Variants in SMIM10L3 observed in about 807,000 individuals in gnomAD.
SMIM10L3 encodes the protein small integral membrane protein 10 like 3, also known as salivary gland specific protein SAGSIN1.
the SMIM10L3 span, chr7:6,338,647 T>A: frequency 1.3e-5 from 2 of 152,198 alleles, no homozygotes; most frequent in Non-Finnish European, 2.9e-5. Context: ...ACAGGAGCGG[T>A]CACCTTCCTC....
At chr7:6,340,353 G>T in the SMIM10L3 span, among the ~76,000 whole-genome samples, 1 of 152,140 alleles carries the variant, frequency 6.6e-6, no homozygotes, top group Non-Finnish European at 1.5e-5. Context: ...ACAAAACGCT[G>T]CTGAGAGGGT....
chr7:6,344,589 T>C, the SMIM10L3 span, among the ~76,000 whole-genome samples: 6 of 152,066 alleles, frequency 3.9e-5, no homozygotes, highest in East Asian at 9.7e-4. Flanking sequence ...CAGCTAATTT[T>C]TGTATTTTTT....
At chr7:6,332,356 G>A in the SMIM10L3 span, among the ~76,000 whole-genome samples, 117 of 152,246 alleles carry the variant, frequency 7.7e-4, no homozygotes, top group Admixed American at 7.1e-3. Flanking sequence ...CTCATGGAAT[G>A]TACTGATTAC....
the SMIM10L3 span, among the ~76,000 whole-genome samples, chr7:6,335,020 G>A: frequency 1.3e-5 from 2 of 151,982 alleles, no homozygotes; most frequent in African/African-American, 4.8e-5. Context: ...ACCCGCCTTG[G>A]CCTCCCAAAG....
At chr7:6,341,758 G>A in the SMIM10L3 span, 5 of 152,038 alleles carry the variant, frequency 3.3e-5, no homozygotes, top group Admixed American at 3.3e-4. Flanking sequence ...AGCACTTTGG[G>A]AGGCCAAGGT....
At chr7:6,335,163 A>G in the SMIM10L3 span, among the ~76,000 whole-genome samples, 1 of 151,906 alleles carries the variant, frequency 6.6e-6, no homozygotes, top group Non-Finnish European at 1.5e-5. Context: ...CCTAGGTTCA[A>G]GCGATTCTCC....
the SMIM10L3 span, among the ~76,000 whole-genome samples, chr7:6,341,362 G>T: frequency 1.3e-5 from 2 of 149,680 alleles, no homozygotes; most frequent in South Asian, 2.1e-4. Flanking sequence ...AGAATGGTGT[G>T]AACCGGGAGG....
chr7:6,340,363 T>C, the SMIM10L3 span, among the ~76,000 whole-genome samples: 1 of 150,884 alleles, frequency 6.6e-6, no homozygotes, highest in African/African-American at 2.4e-5. Context: ...GCTGAGAGGG[T>C]TGGTGCGGTG....
At chr7:6,348,524 G>C in the SMIM10L3 span, 3 of 413,818 alleles carry the variant, frequency 7.2e-6, no homozygotes, top group Non-Finnish European at 1.3e-5. Context: ...CCGCGGGCGA[G>C]GCGGGCGCTC....
At chr7:6,333,002 T>C in the SMIM10L3 span, among the ~76,000 whole-genome samples, 1 of 151,284 alleles carries the variant, frequency 6.6e-6, no homozygotes. Flanking sequence ...CTATCAAAAA[T>C]AGAAAACAGC....
chr7:6,345,164 C>G, the SMIM10L3 span, among the ~76,000 whole-genome samples: 1 of 152,090 alleles, frequency 6.6e-6, no homozygotes, highest in African/African-American at 2.4e-5. Context: ...GTTGCCCAGG[C>G]TGGTGTGCAG....
At chr7:6,347,229 T>C in the SMIM10L3 span, among the ~76,000 whole-genome samples, 3 of 152,128 alleles carry the variant, frequency 2.0e-5, no homozygotes, top group African/African-American at 7.2e-5. Context: ...AATATCAGTC[T>C]CTTGGCTGGG....
At chr7:6,336,124 G>C in the SMIM10L3 span, among the ~76,000 whole-genome samples, 1 of 148,596 alleles carries the variant, frequency 6.7e-6, no homozygotes, top group East Asian at 2.0e-4. Flanking sequence ...AGTAAGCCAA[G>C]ATAGCACCAC....
the SMIM10L3 span, among the ~76,000 whole-genome samples, chr7:6,334,495 T>C: frequency 1.3e-5 from 2 of 151,834 alleles, no homozygotes; most frequent in South Asian, 2.1e-4. Context: ...AAAGATGGAG[T>C]CTCACTCTGT....
At chr7:6,333,058 G>A in the SMIM10L3 span, among the ~76,000 whole-genome samples, 3 of 151,754 alleles carry the variant, frequency 2.0e-5, no homozygotes, top group African/African-American at 4.8e-5. Flanking sequence ...CAGGGAGGCT[G>A]AAGCGAGAGA....
At chr7:6,331,245 G>T in the SMIM10L3 span, 1 of 1,313,466 alleles carries the variant, frequency 7.6e-7, no homozygotes, top group Non-Finnish European at 1.0e-6. Flanking sequence ...CCTAGGAAAG[G>T]GAATCAAATT....
At chr7:6,330,309 A>C in the SMIM10L3 span, 1 of 1,453,114 alleles carries the variant, frequency 6.9e-7, no homozygotes, top group Non-Finnish European at 9.4e-7. Context: ...ATCCAGACTT[A>C]ATGCGAAAGA....
the SMIM10L3 span, among the ~76,000 whole-genome samples, chr7:6,341,672 A>G: frequency 6.7e-5 from 10 of 150,336 alleles, no homozygotes; most frequent in Non-Finnish European, 8.9e-5. Flanking sequence ...CCTGGGCCAC[A>G]GAGCAAGACT....
At chr7:6,346,841 G>C in the SMIM10L3 span, among the ~76,000 whole-genome samples, 1 of 152,136 alleles carries the variant, frequency 6.6e-6, no homozygotes, top group African/African-American at 2.4e-5. Context: ...GCAGTGTGGT[G>C]GTTCTACTGC....
Sources: gnomAD v4.1 joint callset for allele counts (sites outside exome capture counted in the v4.1 genomes callset) on GRCh38, gnomAD v4.1.1 for gene constraint, MANE v1.5 for transcripts, NCBI Gene and HGNC (gene_info 2026-07-23, HGNC 2026-07-21) for gene names.